CCSER1: variants seen among roughly 807,000 people sequenced by gnomAD.
CCSER1 encodes coiled-coil serine rich protein 1.
Under a neutral mutation model 82.0 loss-of-function variants are expected in CCSER1, and 41 were observed. The ratio of observed to expected loss-of-function variants is 0.50; its 90% confidence interval spans 0.39 to 0.65. The LOEUF (loss-of-function observed/expected upper bound fraction) is 0.65. Ranked by LOEUF, CCSER1 falls within the 30% of genes least tolerant of loss-of-function variation. CCSER1 has a pLI of 0.00. For synonymous variants in CCSER1, 414 were observed against 383.9 expected (o/e 1.08, Z -0.92); for missense variants, 1,119 against 1,064.2 (o/e 1.05, Z -0.72).
At chr4:91,478,812 C>T (rs7697437) in intron 10 of CCSER1, among the ~76,000 whole-genome samples, 125,704 of 151,712 alleles carry the variant, frequency 0.83, 52,417 homozygotes, top group East Asian at 0.93. Flanking sequence ...TAAGACATTG[C>T]GTTTAATATA....
intron 8 of CCSER1, among the ~76,000 whole-genome samples, chr4:90,835,290 C>T (rs1761663341): frequency 6.6e-6 from 1 of 152,126 alleles, no homozygotes; most frequent in Non-Finnish European, 1.5e-5. Flanking sequence ...GAGATGACGC[C>T]ACTGCACTCT....
chr4:90,467,301 T>G (rs28485737), intron 4 of CCSER1, among the ~76,000 whole-genome samples: 10,170 of 152,032 alleles, frequency 0.067, 430 homozygotes, highest in African/African-American at 0.1. Flanking sequence ...GGAGAATCAC[T>G]TGAACCCAGG....
intron 1 of CCSER1, among the ~76,000 whole-genome samples, chr4:90,214,637 T>A (rs979600566): frequency 6.6e-6 from 1 of 152,228 alleles, no homozygotes; most frequent in Non-Finnish European, 1.5e-5. Flanking sequence ...GCCAAGTCAG[T>A]GGATTTGCTA....
At chr4:91,486,537 G>A (rs115416487) in intron 10 of CCSER1, among the ~76,000 whole-genome samples, 4,227 of 152,072 alleles carry the variant, frequency 0.028, 113 homozygotes, top group Non-Finnish European at 0.042. Flanking sequence ...TTGTAATCAC[G>A]GCTGTTGCCC....
At chr4:91,058,011 T>C (rs765118103) in intron 9 of CCSER1, among the ~76,000 whole-genome samples, 1 of 152,106 alleles carries the variant, frequency 6.6e-6, no homozygotes, top group Non-Finnish European at 1.5e-5. Flanking sequence ...AAAACCCAGA[T>C]TCCTTTTATT....
intron 4 of CCSER1, among the ~76,000 whole-genome samples, chr4:90,434,246 A>G (rs1490426021): frequency 2.0e-5 from 3 of 152,046 alleles, no homozygotes; most frequent in Non-Finnish European, 4.4e-5. Context: ...ATAATTTTTG[A>G]TATTTTATTT....
At chr4:90,248,698 A>C (rs1342926560) in intron 1 of CCSER1, among the ~76,000 whole-genome samples, 3 of 149,060 alleles carry the variant, frequency 2.0e-5, no homozygotes, top group Non-Finnish European at 4.4e-5. Context: ...GTAGAATTTT[A>C]GATTTTTTTT....
intron 1 of CCSER1, among the ~76,000 whole-genome samples, chr4:90,163,253 T>C (rs2153368021): frequency 6.6e-6 from 1 of 152,214 alleles, no homozygotes; most frequent in East Asian, 1.9e-4. Flanking sequence ...GTGCTTTTAA[T>C]GTAATAAGTG....
chr4:90,276,253 T>TCTTTCTTC (rs1727680914), intron 1 of CCSER1, among the ~76,000 whole-genome samples: 36 of 79,082 alleles, frequency 4.6e-4, no homozygotes, highest in African/African-American at 1.9e-3. Flanking sequence ...TTTCTTTCTT[T>TCTTTCTTC]CCTTCCTTCC....
rs1272611616 is a variant in CCSER1, at chr4:91,013,623, G to A, written c.2173-72327G>A. 1.8e-5 allele frequency among the ~76,000 whole-genome samples: 2 copies of A among 109,018 alleles called. 1 individual carries two copies. 71.5% of individuals were successfully genotyped at this position (109,018 alleles called of 152,430 possible). On this transcript the variant is annotated intron_variant, in intron 9 of 10. Transcript: ENST00000509176. ...GATTTTCTTTTTTTTTTTTTTTTGA[G>A]ATGGAGTCTTGCTCTGTCAACCAGG...
chr4:90,609,902 TTACTG>T (rs2148814057), intron 5 of CCSER1, among the ~76,000 whole-genome samples: 1 of 152,298 alleles, frequency 6.6e-6, no homozygotes, highest in South Asian at 2.1e-4. Context: ...TTCATATTGA[TTACTG>T]TAATTTGGAT....
intron 4 of CCSER1, among the ~76,000 whole-genome samples, chr4:90,450,322 T>G (rs1449295240): frequency 6.6e-6 from 1 of 152,214 alleles, no homozygotes; most frequent in African/African-American, 2.4e-5. Context: ...CTAATCATTC[T>G]GAAAACAATG....
intron 10 of CCSER1, among the ~76,000 whole-genome samples, chr4:91,359,759 C>T (rs939966106): frequency 4.6e-5 from 7 of 151,676 alleles, no homozygotes; most frequent in Non-Finnish European, 8.9e-5. Flanking sequence ...TTACATGATG[C>T]TGAGTATTGG....
At chr4:90,530,893 C>T (rs1774428733) in intron 5 of CCSER1, among the ~76,000 whole-genome samples, 2 of 152,160 alleles carry the variant, frequency 1.3e-5, no homozygotes, top group African/African-American at 4.8e-5. Flanking sequence ...TTGTGCTACT[C>T]CTGCCTCAAA....
chr4:91,587,713 C>T (rs1313590412), intron 10 of CCSER1, among the ~76,000 whole-genome samples: 1 of 151,508 alleles, frequency 6.6e-6, no homozygotes. Context: ...TTTCTTACAT[C>T]GAATGCAGAT....
At chr4:90,928,273 T>A (rs1319919732) in intron 9 of CCSER1, among the ~76,000 whole-genome samples, 1 of 148,322 alleles carries the variant, frequency 6.7e-6, no homozygotes, top group Non-Finnish European at 1.5e-5. Flanking sequence ...TTTAAAAACA[T>A]CTATCATGTT....
At chr4:91,553,496 A>C (rs1330007570) in intron 10 of CCSER1, among the ~76,000 whole-genome samples, 1 of 151,524 alleles carries the variant, frequency 6.6e-6, no homozygotes, top group Non-Finnish European at 1.5e-5. Flanking sequence ...GGTAGATTTC[A>C]GCAATGAATC....
chr4:91,407,134 A>G (rs1488005423), intron 10 of CCSER1, among the ~76,000 whole-genome samples: 1 of 152,150 alleles, frequency 6.6e-6, no homozygotes, highest in Non-Finnish European at 1.5e-5. Context: ...TGCTGCTCCA[A>G]TTTCATGCTT....
At chr4:91,530,791 G>T (rs549413680) in intron 10 of CCSER1, among the ~76,000 whole-genome samples, 4 of 151,392 alleles carry the variant, frequency 2.6e-5, no homozygotes, top group African/African-American at 9.7e-5. Context: ...AGGTTCAAGC[G>T]ATTCTCCTGT....
Sources: gnomAD v4.1 joint callset for allele counts (sites outside exome capture counted in the v4.1 genomes callset) on GRCh38, gnomAD v4.1.1 for gene constraint, MANE v1.5 for transcripts, NCBI Gene and HGNC (gene_info 2026-07-23, HGNC 2026-07-21) for gene names.